Variants in GC observed in about 807,000 individuals in gnomAD.
The protein encoded by GC is vitamin D-binding protein.
In GC, 43 loss-of-function variants were observed where a neutral mutation model predicts 56.7. The observed-to-expected ratio is 0.76, with a 90% confidence interval of 0.59 to 0.98. The LOEUF is 0.98. GC is among the 50% of genes least tolerant of loss of function. The pLI is 0.00. For synonymous variants in GC, 216 were observed against 202.7 expected (o/e 1.07, Z -0.56); for missense variants, 529 against 545.9 (o/e 0.97, Z 0.31).
At chr4:71,802,873 T>G (rs1313037908) in intron 1 of GC, among the ~76,000 whole-genome samples, 1 of 152,214 alleles carries the variant, frequency 6.6e-6, no homozygotes, top group Non-Finnish European at 1.5e-5. Context: ...GACTTAATGA[T>G]ATAATCAATT....
intron 1 of GC, among the ~76,000 whole-genome samples, chr4:71,775,038 T>C (rs1742465485): frequency 6.6e-6 from 1 of 151,496 alleles, no homozygotes; most frequent in South Asian, 2.1e-4. Flanking sequence ...GGCCCTTTTT[T>C]TTTTTTTTTT....
At chr4:71,791,975 T>C (rs2149309068) in intron 1 of GC, among the ~76,000 whole-genome samples, 1 of 152,304 alleles carries the variant, frequency 6.6e-6, no homozygotes, top group East Asian at 1.9e-4. Flanking sequence ...TTCATCCATG[T>C]CCCTGCAAAG....
upstream of GC, chr4:71,785,857 G>A (rs1379059760): frequency 6.6e-6 from 1 of 151,704 alleles, no homozygotes; most frequent in African/African-American, 2.4e-5. Flanking sequence ...AAAGAGGTAG[G>A]TAACACATTA....
In GC at chr4:71,779,848, T is replaced by C. The variant is rs1249471412; in HGVS notation, c.58+4113A>G. Among the ~76,000 whole-genome samples, 5 of 151,910 alleles carry C rather than the reference T, an allele frequency of 3.3e-5. No individual in the cohort carries two copies. In the East Asian group the frequency reaches 9.8e-4, roughly 30 times the overall value. On this transcript the variant is annotated intron_variant, in intron 1 of 12. Coordinates refer to ENST00000273951, the MANE Select transcript of GC (RefSeq NM_000583.4). ...GAGCTGTATGACTTCAGCCCTTGCG[T>C]AGGGCTGTTTTGACAGGGAAGGAAG... is the stretch of plus-strand genomic sequence containing the variant.
At position 71,779,199 on chromosome 4, in the gene GC, G is replaced by C. The variant is rs533054277; in HGVS notation, c.58+4762C>G. Among the ~76,000 whole-genome samples, 21 of 151,828 alleles carry C rather than the reference G, an allele frequency of 1.4e-4. No homozygotes were observed. In the East Asian group the frequency reaches 4.1e-3, roughly 30 times the overall value. On this transcript the variant is annotated intron_variant, in intron 1 of 12. Transcript: ENST00000273951. ...AATGTTCTATTACTGGGAATTACAG[G>C]AAATAACAAAAGTTCTTAATTTCAC...
chr4:71,801,748 T>C (rs1464281312), intron 1 of GC, among the ~76,000 whole-genome samples: 1 of 151,188 alleles, frequency 6.6e-6, no homozygotes, highest in Non-Finnish European at 1.5e-5. Flanking sequence ...GAAGCAATTA[T>C]CTAAGAGTAA....
chr4:71,804,021 C>G, exon 1 of GC: 1 of 923,042 alleles, frequency 1.1e-6, no homozygotes, highest in Non-Finnish European at 1.7e-6. Context: ...GTGGAGTAAG[C>G]AATCTCTTTG....
intron 1 of GC, among the ~76,000 whole-genome samples, chr4:71,780,896 A>G (rs987003124): frequency 2.0e-5 from 3 of 152,192 alleles, no homozygotes; most frequent in African/African-American, 7.2e-5. Context: ...TATATACCCA[A>G]AGGATTTTAA....
chr4:71,777,716 T>C (rs1268950774), intron 1 of GC, among the ~76,000 whole-genome samples: 2 of 151,322 alleles, frequency 1.3e-5, no homozygotes, highest in African/African-American at 2.4e-5. Flanking sequence ...TGTAGTAAAA[T>C]TTGAAGACTG....
intron 6 of GC, among the ~76,000 whole-genome samples, chr4:71,761,671 G>A (rs1741978996): frequency 2.0e-5 from 3 of 152,168 alleles, no homozygotes; most frequent in Non-Finnish European, 4.4e-5. Context: ...CCCGTGCTGT[G>A]TGCAGTCTAG....
chr4:71,790,569 CT>C (rs1253102238), intron 1 of GC, among the ~76,000 whole-genome samples: 1 of 150,962 alleles, frequency 6.6e-6, no homozygotes, highest in Non-Finnish European at 1.5e-5. Context: ...GTATTTTTTC[CT>C]TTTTTTGTTC....
intron 11 of GC, among the ~76,000 whole-genome samples, chr4:71,749,701 A>C (rs968504306): frequency 1.3e-5 from 2 of 152,206 alleles, no homozygotes; most frequent in Non-Finnish European, 2.9e-5. Context: ...TTTATGCTAA[A>C]AATGTTTTAA....
chr4:71,763,056 G>C (rs1742036607), intron 6 of GC, among the ~76,000 whole-genome samples: 2 of 152,086 alleles, frequency 1.3e-5, no homozygotes, highest in African/African-American at 2.4e-5. Context: ...GCAAATAATA[G>C]GTAATAAACA....
At chr4:71,786,409 A>G (rs536877066), upstream of GC, among the ~76,000 whole-genome samples, 130 of 151,972 alleles carry the variant, frequency 8.6e-4, no homozygotes, top group African/African-American at 3.0e-3. Context: ...GGTGAAAAAG[A>G]CCAAATCAAA....
intron 1 of GC, among the ~76,000 whole-genome samples, chr4:71,789,374 T>C (rs527787610): frequency 6.6e-6 from 1 of 151,972 alleles, no homozygotes; most frequent in Admixed American, 6.6e-5. Flanking sequence ...TGTTAAGAGC[T>C]TCTAATAATG....
At chr4:71,782,924 C>T (rs535686773) in intron 1 of GC, among the ~76,000 whole-genome samples, 1 of 151,814 alleles carries the variant, frequency 6.6e-6, no homozygotes, top group South Asian at 2.1e-4. Flanking sequence ...ACTTTGTAGT[C>T]TTACCTAAGG....
chr4:71,777,258 T>A (rs1479087344), intron 1 of GC, among the ~76,000 whole-genome samples: 1 of 151,846 alleles, frequency 6.6e-6, no homozygotes, highest in Non-Finnish European at 1.5e-5. Flanking sequence ...TTGTAAGAAC[T>A]GTAATTTAAA....
upstream of GC, chr4:71,804,092 C>A: frequency 1.5e-6 from 1 of 675,002 alleles, no homozygotes; most frequent in Non-Finnish European, 2.7e-6. Flanking sequence ...GCAAGCTCCA[C>A]CAATAAGCTT....
chr4:71,751,630 A>G (rs1161261056), intron 11 of GC, among the ~76,000 whole-genome samples: 1 of 152,078 alleles, frequency 6.6e-6, no homozygotes, highest in Non-Finnish European at 1.5e-5. Context: ...TACTGTTAAC[A>G]ATATTGGACC....
Sources: gnomAD v4.1 joint callset for allele counts (sites outside exome capture counted in the v4.1 genomes callset) on GRCh38, gnomAD v4.1.1 for gene constraint, MANE v1.5 for transcripts, NCBI Gene and HGNC (gene_info 2026-07-23, HGNC 2026-07-21) for gene names.